Variants in MDGA2 observed in about 807,000 individuals in gnomAD.
The protein encoded by MDGA2 is MAM domain containing glycosylphosphatidylinositol anchor 2, also known as MAM domain-containing glycosylphosphatidylinositol anchor protein 2.
MDGA2 carries 40 observed loss-of-function variants against 117.8 expected under a neutral mutation model. The observed-to-expected ratio is 0.34, with a 90% confidence interval of 0.26 to 0.44. MDGA2 has a LOEUF of 0.44. Among genes scored for constraint, MDGA2 ranks in the 20% least tolerant of loss-of-function variants. The pLI is 1.00. For synonymous variants in MDGA2, 452 were observed against 439.0 expected (o/e 1.03, Z -0.37); for missense variants, 1,123 against 1,250.6 (o/e 0.90, Z 1.54).
intron 3 of MDGA2, among the ~76,000 whole-genome samples, chr14:47,206,905 T>A (rs1005746602): frequency 2.0e-5 from 3 of 151,778 alleles, no homozygotes; most frequent in African/African-American, 7.3e-5. Context: ...AATGGAGAGA[T>A]GATAGATAGA....
chr14:47,556,891 A>G (rs1285907245), intron 1 of MDGA2, among the ~76,000 whole-genome samples: 3 of 152,194 alleles, frequency 2.0e-5, no homozygotes, highest in African/African-American at 7.2e-5. Flanking sequence ...TGCATTAAAA[A>G]ATTTAATGCA....
intron 1 of MDGA2, among the ~76,000 whole-genome samples, chr14:47,649,763 G>C (rs1205425154): frequency 6.6e-6 from 1 of 151,946 alleles, no homozygotes; most frequent in Non-Finnish European, 1.5e-5. Context: ...AGTACTCAGA[G>C]AGAAAATATG....
rs961922986 is a variant in MDGA2 at position 46,897,382 on chromosome 14, C to T, written c.2239-15161G>A. On this transcript the variant is annotated intron_variant, in intron 10 of 16. Coordinates refer to ENST00000399232, the MANE Select transcript of MDGA2 (RefSeq NM_001113498.3). ...TAGGAAATTAACAGTTGGAGAAACA[C>T]GTGATGTCTTATACAAAGATGTACA... 2.7e-4 allele frequency among the ~76,000 whole-genome samples: 41 copies of T among 152,028 alleles called. 1 individual carries two copies. The highest frequency in any genetic ancestry group is 7.9e-4 in the Admixed American group (12 of 15,260).
chr14:46,911,355 T>A (rs1330042058), intron 10 of MDGA2, among the ~76,000 whole-genome samples: 1 of 152,210 alleles, frequency 6.6e-6, no homozygotes, highest in African/African-American at 2.4e-5. Context: ...AGTCCATTAC[T>A]GAGTAGTTGT....
At position 46,953,292 on chromosome 14, in the gene MDGA2, T is replaced by TTA. The variant is rs556003969; in HGVS notation, c.2089+4080_2089+4081dup. Among the ~76,000 whole-genome samples, 581 of 150,894 alleles carry TTA rather than the reference T, an allele frequency of 3.9e-3. 7 individuals are homozygous for TTA. Among genetic ancestry groups the TTA allele is most frequent in the African/African-American group, 0.014 (567 of 41,402 alleles). ...TTATGGTTATGCAATAAAAAATCTA[T>TTA]TATATATATACACTGTTAACTTTTG... On this transcript the variant is annotated intron_variant, in intron 9 of 16. Transcript: ENST00000399232.
chr14:47,380,106 C>G lies in MDGA2; in HGVS notation c.281-78556G>C, dbSNP rs550201959. 2.6e-3 allele frequency among the ~76,000 whole-genome samples: 402 copies of G among 152,212 alleles called. 2 individuals are homozygous for G. The highest frequency in any genetic ancestry group is 9.5e-3 in the African/African-American group (394 of 41,520). The stretch of plus-strand genomic sequence containing the variant: ...CTCAACTACATGGAAACTGAACAAC[C>G]TACTCCCAAATGTACTGGGTATGTA... On this transcript the variant is annotated intron_variant, in intron 1 of 16. Transcript: ENST00000399232.
intron 2 of MDGA2, among the ~76,000 whole-genome samples, chr14:47,250,129 C>A (rs1887396107): frequency 6.6e-6 from 1 of 152,284 alleles, no homozygotes; most frequent in African/African-American, 2.4e-5. Flanking sequence ...TTAGATTAGA[C>A]ACTGAGTCAA....
At chr14:47,008,771 T>G (rs1396767013) in intron 8 of MDGA2, among the ~76,000 whole-genome samples, 1 of 152,004 alleles carries the variant, frequency 6.6e-6, no homozygotes, top group African/African-American at 2.4e-5. Flanking sequence ...TTTATACATA[T>G]AATTAACAAT....
chr14:46,971,163 C>G (rs1886247029), intron 8 of MDGA2, among the ~76,000 whole-genome samples: 1 of 151,642 alleles, frequency 6.6e-6, no homozygotes, highest in South Asian at 2.1e-4. Context: ...GACAATTACT[C>G]AAAAAAAATA....
At chr14:47,582,732 G>A (rs1436198748) in intron 1 of MDGA2, among the ~76,000 whole-genome samples, 1 of 151,828 alleles carries the variant, frequency 6.6e-6, no homozygotes, top group Admixed American at 6.6e-5. Context: ...ATTCTACCCA[G>A]ATAAATCAAT....
chr14:47,278,066 C>T (rs569424573), intron 2 of MDGA2, among the ~76,000 whole-genome samples: 3 of 151,972 alleles, frequency 2.0e-5, no homozygotes, highest in South Asian at 4.2e-4. Flanking sequence ...GAAAGAAAAA[C>T]CTCTGAGGTT....
chr14:47,256,812 G>T (rs1318286156), intron 2 of MDGA2, among the ~76,000 whole-genome samples: 1 of 148,394 alleles, frequency 6.7e-6, no homozygotes. Flanking sequence ...AAAGAGAGAA[G>T]GAAGGAAGAA....
intron 9 of MDGA2, among the ~76,000 whole-genome samples, chr14:46,941,883 A>G (rs1885013929): frequency 6.6e-6 from 1 of 152,176 alleles, no homozygotes; most frequent in South Asian, 2.1e-4. Context: ...TAATGTGAGC[A>G]AGCTGTAAGA....
At chr14:47,548,209 C>T (rs959567185) in intron 1 of MDGA2, among the ~76,000 whole-genome samples, 2 of 152,054 alleles carry the variant, frequency 1.3e-5, no homozygotes, top group African/African-American at 4.8e-5. Context: ...ACATAGTTTC[C>T]TTTAGTTTGG....
chr14:46,894,721 T>C (rs1043334335), intron 10 of MDGA2, among the ~76,000 whole-genome samples: 1 of 152,176 alleles, frequency 6.6e-6, no homozygotes, highest in Non-Finnish European at 1.5e-5. Context: ...ATTACTGACA[T>C]ATCCCCCTAC....
chr14:47,476,209 A>G (rs554246557), intron 1 of MDGA2, among the ~76,000 whole-genome samples: 14 of 152,232 alleles, frequency 9.2e-5, no homozygotes, highest in South Asian at 2.1e-4. Context: ...AGTGTTGGAC[A>G]TGAAGAAAAG....
intron 3 of MDGA2, among the ~76,000 whole-genome samples, chr14:47,181,293 C>T (rs1884695094): frequency 6.6e-6 from 1 of 152,060 alleles, no homozygotes; most frequent in African/African-American, 2.4e-5. Flanking sequence ...TCCATGTGTT[C>T]TCATTGTTCC....
At chr14:46,918,338 G>C (rs1394483699) in intron 10 of MDGA2, among the ~76,000 whole-genome samples, 1 of 152,148 alleles carries the variant, frequency 6.6e-6, no homozygotes, top group Non-Finnish European at 1.5e-5. Context: ...AAAAGAGTAT[G>C]AGGTGTGTAA....
intron 1 of MDGA2, among the ~76,000 whole-genome samples, chr14:47,482,023 G>GT (rs1362864076): frequency 6.6e-6 from 1 of 152,124 alleles, no homozygotes; most frequent in East Asian, 1.9e-4. Context: ...TGACATTTTA[G>GT]TAAGATATTG....
Sources: allele counts gnomAD v4.1 joint callset (sites outside exome capture counted in the v4.1 genomes callset), GRCh38; gene constraint gnomAD v4.1.1; transcripts MANE v1.5; gene names NCBI Gene and HGNC (gene_info 2026-07-23, HGNC 2026-07-21).